SGCD: variants seen among roughly 807,000 people sequenced by gnomAD.
SGCD encodes delta-sarcoglycan.
In SGCD, 18 loss-of-function variants were observed where a neutral mutation model predicts 36.6. The observed-to-expected ratio is 0.49, with a 90% confidence interval of 0.34 to 0.73. The LOEUF (loss-of-function observed/expected upper bound fraction) is 0.73. SGCD is among the 30% of genes least tolerant of loss of function. SGCD has a pLI of 0.01. For missense variants in SGCD, 387 were observed against 346.7 expected (o/e 1.12, Z -0.92); for synonymous variants, 133 against 130.6 (o/e 1.02, Z -0.12).
intron 7 of SGCD, among the ~76,000 whole-genome samples, chr5:156,685,056 A>G (rs1408972603): frequency 5.3e-5 from 8 of 152,204 alleles, no homozygotes; most frequent in African/African-American, 1.9e-4. Context: ...AGTCAGATAT[A>G]GAAGCTTAAT....
chr5:156,442,136 G>T (rs1301226719), intron 3 of SGCD, among the ~76,000 whole-genome samples: 4 of 152,164 alleles, frequency 2.6e-5, no homozygotes, highest in African/African-American at 4.8e-5. Context: ...CAGCCGCAGG[G>T]TTGTTTTTTC....
intron 3 of SGCD, among the ~76,000 whole-genome samples, chr5:156,261,141 A>C (rs189978718): frequency 6.6e-6 from 1 of 152,276 alleles, no homozygotes; most frequent in Admixed American, 6.5e-5. Context: ...TTGTGTTATT[A>C]ACAAAGTTAT....
At chr5:156,200,049 C>T (rs945601952) in intron 3 of SGCD, among the ~76,000 whole-genome samples, 3 of 152,124 alleles carry the variant, frequency 2.0e-5, no homozygotes, top group African/African-American at 7.2e-5. Flanking sequence ...ATTTCTCATA[C>T]TTATAGCTTG....
At chr5:155,757,819 G>T in the SGCD span, among the ~76,000 whole-genome samples, 8 of 152,084 alleles carry the variant, frequency 5.3e-5, no homozygotes, top group Non-Finnish European at 5.9e-5. Context: ...CAGATGTTGT[G>T]GGAAGCGCCC....
chr5:155,886,707 CAAG>C (rs1756011285), intron 1 of SGCD, among the ~76,000 whole-genome samples: 1 of 152,306 alleles, frequency 6.6e-6, no homozygotes, highest in African/African-American at 2.4e-5. Context: ...AGAATAAAGA[CAAG>C]TTCAGGATGG....
the SGCD span, among the ~76,000 whole-genome samples, chr5:155,777,688 T>C: frequency 6.6e-6 from 1 of 152,236 alleles, no homozygotes; most frequent in East Asian, 1.9e-4. Flanking sequence ...AACCCACCAC[T>C]GTTAGCAGTG....
At chr5:155,852,511 T>C in the SGCD span, among the ~76,000 whole-genome samples, 11 of 152,258 alleles carry the variant, frequency 7.2e-5, no homozygotes, top group Non-Finnish European at 1.3e-4. Context: ...CTATGGTAAA[T>C]AATATTATTT....
At chr5:156,592,933 T>C (rs1445836746) in intron 5 of SGCD, among the ~76,000 whole-genome samples, 1 of 152,206 alleles carries the variant, frequency 6.6e-6, no homozygotes, top group African/African-American at 2.4e-5. Flanking sequence ...GTACTCATCA[T>C]GCATTCTTTT....
chr5:156,060,836 A>G (rs1035122950), intron 1 of SGCD, among the ~76,000 whole-genome samples: 8 of 146,232 alleles, frequency 5.5e-5, no homozygotes, highest in African/African-American at 1.7e-4. Flanking sequence ...TATTAAATGC[A>G]TTTAATTGAA....
chr5:155,851,240 A>G, the SGCD span, among the ~76,000 whole-genome samples: 1 of 152,182 alleles, frequency 6.6e-6, no homozygotes, highest in African/African-American at 2.4e-5. Context: ...AATATTTTCA[A>G]GATCCACATC....
At chr5:155,895,048 G>A (rs1332520268) in intron 1 of SGCD, among the ~76,000 whole-genome samples, 2 of 152,122 alleles carry the variant, frequency 1.3e-5, no homozygotes, top group African/African-American at 4.8e-5. Context: ...GCAAGACAGA[G>A]GAGACCAGGC....
intron 3 of SGCD, among the ~76,000 whole-genome samples, chr5:156,295,835 A>G (rs1032729204): frequency 3.9e-5 from 6 of 152,206 alleles, no homozygotes; most frequent in Non-Finnish European, 8.8e-5. Flanking sequence ...ATGAGGAAAG[A>G]AGCTAGTTTT....
At chr5:156,053,708 A>G (rs1759981242) in intron 1 of SGCD, among the ~76,000 whole-genome samples, 1 of 146,130 alleles carries the variant, frequency 6.8e-6, no homozygotes, top group African/African-American at 2.5e-5. Context: ...AGATGGAAAC[A>G]ATCCAGTTTG....
At chr5:156,680,583 A>G (rs1026691503) in intron 7 of SGCD, among the ~76,000 whole-genome samples, 1 of 152,228 alleles carries the variant, frequency 6.6e-6, no homozygotes, top group Non-Finnish European at 1.5e-5. Flanking sequence ...TAATAAGCAC[A>G]TCTTACACAC....
At chr5:156,732,573 C>G (rs1197116360) in intron 7 of SGCD, among the ~76,000 whole-genome samples, 1 of 151,778 alleles carries the variant, frequency 6.6e-6, no homozygotes, top group South Asian at 2.1e-4. Flanking sequence ...TTTTTTCTAT[C>G]TTTGCCAGGT....
intron 1 of SGCD, among the ~76,000 whole-genome samples, chr5:155,943,047 T>C (rs536037568): frequency 2.0e-5 from 3 of 152,332 alleles, no homozygotes; most frequent in Non-Finnish European, 4.4e-5. Flanking sequence ...TTTGTACAGC[T>C]ATGATAGAGT....
At chr5:155,984,789 A>G (rs775328295) in intron 1 of SGCD, among the ~76,000 whole-genome samples, 2 of 152,202 alleles carry the variant, frequency 1.3e-5, no homozygotes, top group Non-Finnish European at 2.9e-5. Context: ...AACCTCTGAT[A>G]TAGACCCTCT....
At chr5:155,849,972 A>G in the SGCD span, among the ~76,000 whole-genome samples, 3 of 152,238 alleles carry the variant, frequency 2.0e-5, no homozygotes, top group East Asian at 3.8e-4. Flanking sequence ...AAACTGGGAC[A>G]TTAGAATGAA....
At chr5:156,200,228 C>G (rs1053923468) in intron 3 of SGCD, among the ~76,000 whole-genome samples, 2 of 151,908 alleles carry the variant, frequency 1.3e-5, no homozygotes, top group Non-Finnish European at 2.9e-5. Context: ...AGAAAAAGAA[C>G]AGAGGTAGAG....
Sources: allele counts gnomAD v4.1 joint callset (sites outside exome capture counted in the v4.1 genomes callset), GRCh38; gene constraint gnomAD v4.1.1; transcripts MANE v1.5; gene names NCBI Gene and HGNC (gene_info 2026-07-23, HGNC 2026-07-21).